Variants in TMPRSS11F observed in about 807,000 individuals in gnomAD.
TMPRSS11F encodes transmembrane protease serine 11F.
TMPRSS11F carries 47 observed loss-of-function variants against 60.2 expected under a neutral mutation model. That is an observed-to-expected ratio of 0.78 (90% CI 0.62 to 1.00). The LOEUF is 1.00. Among genes scored for constraint, TMPRSS11F ranks in the 50% least tolerant of loss-of-function variants. TMPRSS11F has a pLI of 0.00. For synonymous variants in TMPRSS11F, 166 were observed against 167.3 expected (o/e 0.99, Z 0.06); for missense variants, 519 against 522.9 (o/e 0.99, Z 0.07).
intron 1 of TMPRSS11F, among the ~76,000 whole-genome samples, chr4:68,110,620 T>G (rs937491146): frequency 1.3e-5 from 2 of 152,154 alleles, no homozygotes; most frequent in Non-Finnish European, 2.9e-5. Flanking sequence ...CTTTTTTACC[T>G]CAGTTTTTTC....
At chr4:68,067,205 G>A (rs1046619648) in intron 7 of TMPRSS11F, among the ~76,000 whole-genome samples, 2 of 151,798 alleles carry the variant, frequency 1.3e-5, no homozygotes, top group Non-Finnish European at 2.9e-5. Flanking sequence ...GTCAAATTTG[G>A]TCTGATCCCT....
chr4:68,057,079 G>A (rs541334403), intron 9 of TMPRSS11F, among the ~76,000 whole-genome samples: 1 of 152,084 alleles, frequency 6.6e-6, no homozygotes, highest in African/African-American at 2.4e-5. Flanking sequence ...AAGGTCAGGA[G>A]TTCGAGACCA....
Position 68,064,535 on chromosome 4 carries a change from T to C in TMPRSS11F, c.1015+150A>G, listed in dbSNP as rs904251384. 7 of 906,774 alleles carry C rather than the reference T, an allele frequency of 7.7e-6. No homozygotes were observed. The African/African-American group carries it at 1.2e-4, about 15-fold the overall frequency. The allele number at this position is 906,774 out of a possible 1,614,324, so 56.2% of individuals were successfully genotyped here. On this transcript the variant is annotated intron_variant, in intron 8 of 9. Transcript: ENST00000356291. ...AAATACAGGACCTGATTTTTACTTT[T>C]TAACCCACAGTCTCCTGTTCTGCCC... is the stretch of plus-strand genomic sequence containing the variant.
chr4:68,056,194 A>C (rs1723041114), intron 9 of TMPRSS11F, among the ~76,000 whole-genome samples: 1 of 152,194 alleles, frequency 6.6e-6, no homozygotes, highest in African/African-American at 2.4e-5. Flanking sequence ...AGGCAAGAGA[A>C]AGAAATAGAA....
At chr4:68,083,667 T>TA (rs1248527802) in intron 3 of TMPRSS11F, among the ~76,000 whole-genome samples, 2 of 140,372 alleles carry the variant, frequency 1.4e-5, no homozygotes, top group African/African-American at 6.3e-5. Flanking sequence ...ATAATAATAA[T>TA]AAAAAAAGCC....
At chr4:68,054,604 C>T (rs1311837128) in intron 9 of TMPRSS11F, among the ~76,000 whole-genome samples, 2 of 152,036 alleles carry the variant, frequency 1.3e-5, no homozygotes, top group South Asian at 2.1e-4. Context: ...AACATGTGGT[C>T]GTTAAAAGTG....
intron 7 of TMPRSS11F, among the ~76,000 whole-genome samples, chr4:68,066,827 G>A (rs369482461): frequency 1.5e-4 from 22 of 151,686 alleles, no homozygotes; most frequent in Non-Finnish European, 2.5e-4. Flanking sequence ...CCAGCTACTC[G>A]GGAGGCTGAG....
Position 68,068,776 on chromosome 4 carries a change from T to A in TMPRSS11F, c.597A>T (p.Ala199=). 1 of 1,614,256 alleles carries A rather than the reference T, an allele frequency of 6.2e-7. No individual in the cohort carries two copies. Among genetic ancestry groups the A allele is most frequent in the Non-Finnish European group, 8.5e-7 (1 of 1,180,046 alleles). ...RMTSSNMPLP[A]SSSTQRIVQG... ...GGACAATTCTTTGAGTAGAAGAGGA[T>A]GCTGGTAATGGCATGTTTGAAGATG... The change falls in exon 7 of 10, where the codon GCA becomes GCT. Residue 199 remains alanine (A), a synonymous_variant. Coordinates refer to ENST00000356291, the MANE Select transcript of TMPRSS11F (RefSeq NM_207407.2).
chr4:68,066,109 A>T (rs1162544326), intron 7 of TMPRSS11F, among the ~76,000 whole-genome samples: 5 of 104,982 alleles, frequency 4.8e-5, no homozygotes, highest in Non-Finnish European at 9.8e-5. Context: ...ACAGAGCAAG[A>T]CTGTCTCAAA....
chr4:68,127,687 C>T (rs1441200931), intron 1 of TMPRSS11F, among the ~76,000 whole-genome samples: 1 of 152,068 alleles, frequency 6.6e-6, no homozygotes, highest in African/African-American at 2.4e-5. Flanking sequence ...AAATGTTCAA[C>T]ATCAAGGCCT....
At chr4:68,101,769 G>A (rs1232766029) in intron 1 of TMPRSS11F, among the ~76,000 whole-genome samples, 4 of 152,118 alleles carry the variant, frequency 2.6e-5, no homozygotes, top group African/African-American at 7.2e-5. Context: ...AGATAGTTCA[G>A]AGGTTTCTAT....
intron 1 of TMPRSS11F, among the ~76,000 whole-genome samples, chr4:68,129,119 C>T (rs1006637872): frequency 5.3e-5 from 8 of 152,112 alleles, no homozygotes; most frequent in Admixed American, 2.0e-4. Flanking sequence ...TGAATGAAAT[C>T]ATCCATCAAA....
At chr4:68,064,623 T>G in intron 8 of TMPRSS11F, 62 bp downstream of exon 8, 2 of 1,554,772 alleles carry the variant, frequency 1.3e-6, no homozygotes, top group Non-Finnish European at 1.7e-6. Context: ...TTCTTTAAGA[T>G]AGATAGCTCG....
chr4:68,066,539 C>T (rs1419745903), intron 7 of TMPRSS11F, among the ~76,000 whole-genome samples: 1 of 152,214 alleles, frequency 6.6e-6, no homozygotes, highest in Non-Finnish European at 1.5e-5. Context: ...CCCACTCACA[C>T]TGTTTCACAA....
At position 68,094,233 on chromosome 4, in the gene TMPRSS11F, G is replaced by C. The variant is rs1343020120; in HGVS notation, c.164-3592C>G. Among the ~76,000 whole-genome samples, 88 of 106,606 alleles carry C rather than the reference G, an allele frequency of 8.3e-4. 1 individual carries two copies. Among genetic ancestry groups the C allele is most frequent in the African/African-American group, 2.7e-3 (87 of 32,030 alleles). The allele number at this position is 106,606 out of a possible 152,430, so 69.9% of individuals were successfully genotyped here. On this transcript the variant is annotated intron_variant, in intron 2 of 9. Coordinates refer to ENST00000356291, the MANE Select transcript of TMPRSS11F (RefSeq NM_207407.2). Reference sequence around the variant, plus strand: ...ACTATGCAGCCATAAAAAATGATGAGTTCATGTCCTTTGTAGGGACATGGA... The same window carrying C: ...ACTATGCAGCCATAAAAAATGATGACTTCATGTCCTTTGTAGGGACATGGA...
chr4:68,102,680 T>C (rs764520761), intron 1 of TMPRSS11F, among the ~76,000 whole-genome samples: 3 of 152,208 alleles, frequency 2.0e-5, no homozygotes, highest in Non-Finnish European at 4.4e-5. Flanking sequence ...TTCCCCACTA[T>C]TGGGTTGTAT....
intron 1 of TMPRSS11F, among the ~76,000 whole-genome samples, chr4:68,119,609 T>C (rs1724584644): frequency 6.6e-6 from 1 of 152,210 alleles, no homozygotes; most frequent in Non-Finnish European, 1.5e-5. Context: ...GAACAAAGCC[T>C]GATGACAGCA....
intron 1 of TMPRSS11F, among the ~76,000 whole-genome samples, chr4:68,110,335 G>A (rs1289863559): frequency 6.6e-6 from 1 of 152,154 alleles, no homozygotes; most frequent in East Asian, 1.9e-4. Context: ...AGGAAACTGT[G>A]AACCTCAGCA....
chr4:68,099,941 G>T (rs1249842911), intron 1 of TMPRSS11F, among the ~76,000 whole-genome samples: 2 of 151,830 alleles, frequency 1.3e-5, no homozygotes, highest in Non-Finnish European at 2.9e-5. Context: ...AAATAAATTT[G>T]TACAAGAAGA....
Sources: allele counts gnomAD v4.1 joint callset (sites outside exome capture counted in the v4.1 genomes callset), GRCh38; gene constraint gnomAD v4.1.1; transcripts MANE v1.5; gene names NCBI Gene and HGNC (gene_info 2026-07-23, HGNC 2026-07-21).